Variants in SCMH1 observed in about 807,000 individuals in gnomAD.
SCMH1 encodes the protein polycomb protein SCMH1.
In SCMH1, 37 loss-of-function variants were observed where a neutral mutation model predicts 70.8. The ratio of observed to expected loss-of-function variants is 0.52; its 90% CI spans 0.40 to 0.69. SCMH1 has a LOEUF of 0.69. Among genes scored for constraint, SCMH1 ranks in the 30% least tolerant of loss-of-function variants. The pLI, the probability that SCMH1 is intolerant of heterozygous loss-of-function variation, is 0.00. For missense variants in SCMH1, 607 were observed against 827.3 expected (o/e 0.73, Z 3.27); for synonymous variants, 292 against 307.4 (o/e 0.95, Z 0.52).
At chr1:41,136,476 C>G (rs976455552) in intron 6 of SCMH1, among the ~76,000 whole-genome samples, 12 of 151,414 alleles carry the variant, frequency 7.9e-5, no homozygotes, top group Middle Eastern at 6.8e-3. Context: ...CTCCCAGGTT[C>G]AAGTGATTCT....
chr1:41,075,657 A>G (rs1360868732), intron 8 of SCMH1, among the ~76,000 whole-genome samples: 1 of 152,208 alleles, frequency 6.6e-6, no homozygotes. Context: ...TATTTCTGGC[A>G]GATGCAGAAA....
chr1:41,161,603 G>T, intron 2 of SCMH1, 171 bp from the exon 3 acceptor site: 1 of 675,066 alleles, frequency 1.5e-6, no homozygotes, highest in Non-Finnish European at 2.2e-6. Context: ...AAAAGCCTTG[G>T]CATTGTTTAC....
intron 2 of SCMH1, among the ~76,000 whole-genome samples, chr1:41,175,389 C>T (rs1009706392): frequency 1.3e-5 from 2 of 152,198 alleles, no homozygotes; most frequent in African/African-American, 4.8e-5. Context: ...GTTACACCAT[C>T]AGCTCCCTGA....
chr1:41,241,636 G>A (rs1359707299), intron 1 of SCMH1, among the ~76,000 whole-genome samples: 3 of 152,016 alleles, frequency 2.0e-5, no homozygotes, highest in Non-Finnish European at 4.4e-5. Flanking sequence ...TCGCGCCGCC[G>A]CCCGGCCCTC....
chr1:41,151,473 G>A, intron 5 of SCMH1, 141 bp downstream of exon 5: 1 of 525,986 alleles, frequency 1.9e-6, no homozygotes, highest in Non-Finnish European at 3.4e-6. Flanking sequence ...TTTACTTCTT[G>A]AGCTGTGTTC....
chr1:41,229,283 T>C (rs768551630), intron 1 of SCMH1, among the ~76,000 whole-genome samples: 1 of 152,080 alleles, frequency 6.6e-6, no homozygotes, highest in Non-Finnish European at 1.5e-5. Flanking sequence ...GAGTCACATA[T>C]AAGAATAAGA....
At chr1:41,034,442 C>G (rs1212228516) in intron 13 of SCMH1, among the ~76,000 whole-genome samples, 3 of 151,844 alleles carry the variant, frequency 2.0e-5, no homozygotes, top group Non-Finnish European at 4.4e-5. Context: ...ATTCTCCTGT[C>G]TCAGCCTCCT....
exon 6 of SCMH1, chr1:41,142,882 A>T: frequency 1.2e-6 from 2 of 1,612,342 alleles, no homozygotes; most frequent in Non-Finnish European, 8.5e-7. Context: ...ACTCACCAAG[A>T]GGTGGCTGTA....
At chr1:41,177,917 A>G (rs997248527) in intron 2 of SCMH1, among the ~76,000 whole-genome samples, 1 of 152,156 alleles carries the variant, frequency 6.6e-6, no homozygotes, top group African/African-American at 2.4e-5. Flanking sequence ...GAGAAGAGCA[A>G]CTCCAAGACA....
At chr1:41,205,661 G>C (rs1311198348) in intron 1 of SCMH1, among the ~76,000 whole-genome samples, 3 of 152,182 alleles carry the variant, frequency 2.0e-5, no homozygotes, top group Admixed American at 6.5e-5. Flanking sequence ...CTGTGGGCAG[G>C]GCATAGCTGA....
intron 1 of SCMH1, among the ~76,000 whole-genome samples, chr1:41,220,814 A>G (rs1194460997): frequency 2.6e-5 from 4 of 152,268 alleles, no homozygotes; most frequent in African/African-American, 9.6e-5. Context: ...TAAGAGGAGA[A>G]GAAAACCATG....
At chr1:41,056,358 G>T (rs368448585) in intron 10 of SCMH1, among the ~76,000 whole-genome samples, 45 of 152,122 alleles carry the variant, frequency 3.0e-4, no homozygotes, top group African/African-American at 1.0e-3. Flanking sequence ...TTTTAATATA[G>T]AATATATTGA....
At chr1:41,196,911 GA>G (rs1247184256) in intron 1 of SCMH1, among the ~76,000 whole-genome samples, 4 of 152,220 alleles carry the variant, frequency 2.6e-5, no homozygotes, top group Admixed American at 2.6e-4. Context: ...ATTCTCCAAA[GA>G]AGATATACAG....
rs544992860 is a variant in SCMH1, at chr1:41,219,679, C to T, written c.-118+22380G>A. Among the ~76,000 whole-genome samples, 24 of 152,312 alleles carry T rather than the reference C, an allele frequency of 1.6e-4. No homozygotes were observed. The East Asian group carries it at 1.7e-3, about 11-fold the overall frequency. Reference sequence around the variant, plus strand: ...GCACGGTGGCTCATGCCTGTAATCCCGGCACTTTGGGAGGCCAAGGTGGGC... The same window carrying T: ...GCACGGTGGCTCATGCCTGTAATCCTGGCACTTTGGGAGGCCAAGGTGGGC... On this transcript the variant is annotated intron_variant, in intron 1 of 14. Coordinates refer to ENST00000337495, the Ensembl canonical transcript of SCMH1.
At chr1:41,080,718 T>C (rs186126381) in intron 8 of SCMH1, among the ~76,000 whole-genome samples, 1 of 152,190 alleles carries the variant, frequency 6.6e-6, no homozygotes, top group African/African-American at 2.4e-5. Context: ...AAATTCAACA[T>C]CCATTCATGA....
chr1:41,235,889 AT>A (rs1662281655), intron 1 of SCMH1, among the ~76,000 whole-genome samples: 1 of 152,138 alleles, frequency 6.6e-6, no homozygotes, highest in Non-Finnish European at 1.5e-5. Context: ...TCAACCTGTT[AT>A]TTGTGAGATT....
intron 1 of SCMH1, among the ~76,000 whole-genome samples, chr1:41,198,966 T>C (rs900847080): frequency 3.3e-5 from 5 of 152,078 alleles, no homozygotes; most frequent in Admixed American, 2.6e-4. Context: ...TTATCATCAG[T>C]ATATATTTAT....
intron 1 of SCMH1, among the ~76,000 whole-genome samples, chr1:41,216,339 A>G (rs1177589141): frequency 1.3e-5 from 2 of 152,198 alleles, no homozygotes; most frequent in African/African-American, 4.8e-5. Context: ...AAATAACTCA[A>G]TTGAAAAACA....
chr1:41,035,259 T>A (rs1474697430), intron 13 of SCMH1, among the ~76,000 whole-genome samples: 1 of 152,184 alleles, frequency 6.6e-6, no homozygotes, highest in Non-Finnish European at 1.5e-5. Context: ...TCTTCCTGAT[T>A]CCTGATTTCT....
Sources: gnomAD v4.1 joint callset for allele counts (sites outside exome capture counted in the v4.1 genomes callset) on GRCh38, gnomAD v4.1.1 for gene constraint, MANE v1.5 for transcripts, NCBI Gene and HGNC (gene_info 2026-07-23, HGNC 2026-07-21) for gene names.